The following HTR4 variants were observed in gnomAD, a reference collection of about 807,000 sequenced individuals.
The protein encoded by HTR4 is 5-hydroxytryptamine receptor 4, also known as 5-hydroxytryptamine (serotonin) receptor 4, G protein-coupled.
HTR4 carries 16 observed loss-of-function variants against 36.8 expected under a neutral mutation model. The observed-to-expected ratio is 0.43, with a 90% CI of 0.29 to 0.66. HTR4 has a LOEUF of 0.66. HTR4 is among the 30% of genes least tolerant of loss of function. The pLI is 0.13. For synonymous variants in HTR4, 189 were observed against 185.1 expected, an observed-to-expected ratio of 1.02 and a Z score of -0.17; for missense variants, 438 against 490.9, an observed-to-expected ratio of 0.89 and a Z score of 1.02.
chr5:148,615,654 C>T (rs1752641074), intron 2 of HTR4, among the ~76,000 whole-genome samples: 1 of 149,298 alleles, frequency 6.7e-6, no homozygotes, highest in Non-Finnish European at 1.5e-5. Flanking sequence ...ACAATGTGCA[C>T]ATGTACCCTA....
At chr5:148,470,098 G>A (rs1333268881) in intron 5 of HTR4, among the ~76,000 whole-genome samples, 1 of 152,196 alleles carries the variant, frequency 6.6e-6, no homozygotes, top group Non-Finnish European at 1.5e-5. Context: ...CAGTTATTGA[G>A]AACCTATTGT....
intron 5 of HTR4, among the ~76,000 whole-genome samples, chr5:148,517,257 T>C (rs1185940524): frequency 6.6e-6 from 1 of 152,184 alleles, no homozygotes; most frequent in Non-Finnish European, 1.5e-5. Context: ...CCAACTGTCC[T>C]TTACTGCCCT....
chr5:148,601,890 A>T (rs1397876740), intron 2 of HTR4, among the ~76,000 whole-genome samples: 1 of 152,198 alleles, frequency 6.6e-6, no homozygotes, highest in African/African-American at 2.4e-5. Context: ...CAGACACAGA[A>T]ATACAAACAC....
At position 148,483,091 on chromosome 5, in the gene HTR4, A is replaced by G. The variant is rs1581360469; in HGVS notation, c.*112T>C. On this transcript the variant is annotated 3_prime_UTR_variant, in exon 7 of 7. Transcript: ENST00000377888. ...GAGCACCGGGTTCCTGCACTGGCGG[A>G]CGGAAAGCCTCAGGTGAAGAGAATA... is the stretch of plus-strand genomic sequence containing the variant. 3.9e-6 allele frequency: 6 copies of G among 1,527,330 alleles called. No individual in the cohort carries two copies. Among genetic ancestry groups the G allele is most frequent in the Non-Finnish European group, 5.3e-6 (6 of 1,132,908 alleles). The allele number at this position is 1,527,330 out of a possible 1,614,324, so 94.6% of individuals were successfully genotyped here.
intron 4 of HTR4, among the ~76,000 whole-genome samples, chr5:148,525,504 C>T (rs1237190965): frequency 3.9e-5 from 6 of 152,038 alleles, no homozygotes; most frequent in Admixed American, 3.9e-4. Context: ...ACTTTTCTAG[C>T]CTAGGGGTGA....
At chr5:148,519,872 G>A (rs1345937745) in intron 5 of HTR4, among the ~76,000 whole-genome samples, 3 of 152,166 alleles carry the variant, frequency 2.0e-5, no homozygotes, top group South Asian at 2.1e-4. Context: ...GCTGTCTGGT[G>A]TTTGTAATTG....
At chr5:148,563,284 G>A (rs1760297029) in intron 2 of HTR4, among the ~76,000 whole-genome samples, 1 of 152,108 alleles carries the variant, frequency 6.6e-6, no homozygotes, top group South Asian at 2.1e-4. Flanking sequence ...CCACCATCTG[G>A]ATCTCTCCAT....
chr5:148,509,724 G>A lies in HTR4; in HGVS notation c.808C>T (p.Leu270Phe). 2.5e-6 allele frequency: 4 copies of A among 1,614,112 alleles called. No individual in the cohort carries two copies. Among genetic ancestry groups the A allele is most frequent in the Non-Finnish European group, 3.4e-6 (4 of 1,179,998 alleles). ...GTGACAAAGAATGGTGCCCAGCAGA[G>A]GCAGAAGCAACCCATGATGATGCAC... is the stretch of plus-strand genomic sequence containing the variant. Reference protein sequence around the residue: ...TLCIIMGCFCLCWAPFFVTNI... With the variant: ...TLCIIMGCFCFCWAPFFVTNI... The change falls in exon 6 of 7, where the codon CTC (leucine) becomes TTC (phenylalanine). Residue 270 changes from leucine to phenylalanine, a missense_variant. Leu to Phe is a conservative substitution (Grantham distance 22). Coordinates refer to ENST00000377888, the MANE Select transcript of HTR4 (RefSeq NM_000870.7).
intron 5 of HTR4, among the ~76,000 whole-genome samples, chr5:148,466,379 G>C (rs1390706958): frequency 6.6e-6 from 1 of 152,146 alleles, no homozygotes; most frequent in African/African-American, 2.4e-5. Flanking sequence ...TAAACAAACA[G>C]CACTTTCTGC....
At chr5:148,639,985 C>T (rs1972644) in intron 1 of HTR4, among the ~76,000 whole-genome samples, 64,290 of 151,848 alleles carry the variant, frequency 0.42, 13,814 homozygotes, top group East Asian at 0.54. Context: ...TTTTCTCCTC[C>T]TCCAACCTTT....
intron 2 of HTR4, among the ~76,000 whole-genome samples, chr5:148,611,574 T>C (rs1312327442): frequency 7.0e-6 from 1 of 143,498 alleles, no homozygotes; most frequent in Non-Finnish European, 1.5e-5. Flanking sequence ...TGCAAAATCA[T>C]GCCAAAATGT....
intron 6 of HTR4, among the ~76,000 whole-genome samples, chr5:148,488,428 T>G (rs1466272378): frequency 6.6e-6 from 1 of 152,216 alleles, no homozygotes; most frequent in Non-Finnish European, 1.5e-5. Context: ...TTTTAATAAC[T>G]TTGTTTTACT....
chr5:148,607,495 C>T (rs974386524), intron 2 of HTR4, among the ~76,000 whole-genome samples: 1 of 152,094 alleles, frequency 6.6e-6, no homozygotes, highest in Non-Finnish European at 1.5e-5. Context: ...TTATACCCAT[C>T]CTCCCAACAT....
intron 2 of HTR4, among the ~76,000 whole-genome samples, chr5:148,589,162 T>C (rs973182432): frequency 5.3e-5 from 8 of 152,336 alleles, no homozygotes; most frequent in Admixed American, 3.3e-4. Flanking sequence ...AACATACCTG[T>C]GCACAAGTTC....
rs554732227 is a variant in HTR4 at position 148,623,287 on chromosome 5, T to C, written c.26+13702A>G. Among the ~76,000 whole-genome samples the C allele has an allele frequency of 3.6e-4, 55 of 152,162 alleles. 1 individual carries two copies. In the South Asian group the frequency reaches 0.01, roughly 28 times the overall value. ...CAGGTCCTTCAGGAAAAATGGGCCT[T>C]TGAACTTATCTTAAGGAAATCTTAG... On this transcript the variant is annotated intron_variant, in intron 2 of 6. Coordinates refer to ENST00000377888, the MANE Select transcript of HTR4 (RefSeq NM_000870.7).
At chr5:148,485,205 G>C (rs554145448) in intron 6 of HTR4, among the ~76,000 whole-genome samples, 42 of 152,314 alleles carry the variant, frequency 2.8e-4, no homozygotes, top group African/African-American at 6.0e-4. Flanking sequence ...GCCAGGCATT[G>C]GGCTGAATGC....
chr5:148,509,774 G>A lies in HTR4; in HGVS notation c.758C>T (p.Thr253Ile), dbSNP rs773387520. The change falls in exon 6 of 7, where the codon ACA becomes ATA. Residue 253 changes from threonine to isoleucine, a missense_variant. Thr to Ile is a moderately conservative substitution (Grantham distance 89). Coordinates refer to ENST00000377888, the MANE Select transcript of HTR4 (RefSeq NM_000870.7). ...CAGGGTCTTGGCTGCTTTGGTCTCT[G>A]TCCTCATGCGATGAGTGCTATGCTG... ...ADQHSTHRMR[T>I]ETKAAKTLCI... The A allele has an allele frequency of 1.2e-6, 2 of 1,613,948 alleles. No homozygotes were observed. Among genetic ancestry groups the A allele is most frequent in the South Asian group, 2.2e-5 (2 of 91,080 alleles).
At position 148,483,015 on chromosome 5, in the gene HTR4, C is replaced by T. The variant is rs1316728218; in HGVS notation, c.*188G>A. On this transcript the variant is annotated 3_prime_UTR_variant, in exon 7 of 7. Coordinates refer to ENST00000377888, the MANE Select transcript of HTR4 (RefSeq NM_000870.7). ...AAGTGAACAAGGAGGCCATTATGTC[C>T]CCTGACTCCCTCCAGCGCCACCTGC... is the stretch of plus-strand genomic sequence containing the variant. The T allele has an allele frequency of 2.1e-6, 3 of 1,445,652 alleles. No homozygotes were observed. Among genetic ancestry groups the T allele is most frequent in the African/African-American group, 1.4e-5 (1 of 69,656 alleles). 89.6% of individuals were successfully genotyped at this position (1,445,652 alleles called of 1,614,324 possible).
intron 4 of HTR4, among the ~76,000 whole-genome samples, chr5:148,527,665 G>A (rs1581427890): frequency 6.8e-6 from 1 of 146,640 alleles, no homozygotes; most frequent in Admixed American, 6.9e-5. Flanking sequence ...TGCCCGGGCT[G>A]AGGTGCTTAT....
Sources: gnomAD v4.1 joint callset for allele counts (sites outside exome capture counted in the v4.1 genomes callset) on GRCh38, gnomAD v4.1.1 for gene constraint, MANE v1.5 for transcripts, NCBI Gene and HGNC (gene_info 2026-07-23, HGNC 2026-07-21) for gene names.